The following EFL1 variants were observed in gnomAD, a reference collection of about 807,000 sequenced individuals.
EFL1 encodes the protein elongation factor-like GTPase 1.
In EFL1, 76 loss-of-function variants were observed where a neutral mutation model predicts 126.7. The ratio of observed to expected loss-of-function variants is 0.60; its 90% CI spans 0.50 to 0.73. The LOEUF (loss-of-function observed/expected upper bound fraction) is 0.73, where lower values mean the gene tolerates loss of function less well. Among genes scored for constraint, EFL1 ranks in the 30% least tolerant of loss-of-function variants. EFL1 has a pLI of 0.00. For synonymous variants in EFL1, 410 were observed against 448.4 expected, an observed-to-expected ratio of 0.91 and a Z score of 1.08; for missense variants, 1,128 against 1,343.2, an observed-to-expected ratio of 0.84 and a Z score of 2.50.
chr15:82,188,651 T>A (rs1160343838), intron 15 of EFL1, among the ~76,000 whole-genome samples: 1 of 152,140 alleles, frequency 6.6e-6, no homozygotes, highest in African/African-American at 2.4e-5. Context: ...GATTCTACAT[T>A]CAGATTTTTT....
Position 82,151,935 on chromosome 15 carries a change from C to T in EFL1, c.2519G>A (p.Ser840Asn), listed in dbSNP as rs1255786557. The stretch of plus-strand genomic sequence containing the variant: ...CCATACTGAGTTCTGAAAATCTTCA[C>T]TTTTATTGACTAGTATGTTGGGCCC... ...KCGPNILVNK[S>N]EDFQNSVWTG... The change falls in exon 18 of 20, where the codon AGT becomes AAT. Residue 840 changes from serine to asparagine, a missense_variant. By Grantham distance (46) the Ser-to-Asn change is conservative. Coordinates refer to ENST00000268206, the MANE Select transcript of EFL1 (RefSeq NM_024580.6). 3 of 1,613,992 alleles carry T rather than the reference C, an allele frequency of 1.9e-6. No individual in the cohort carries two copies. Among genetic ancestry groups the T allele is most frequent in the African/African-American group, 1.3e-5 (1 of 74,922 alleles).
At chr15:82,240,094 TG>T (rs1171569704) in intron 6 of EFL1, among the ~76,000 whole-genome samples, 5 of 152,182 alleles carry the variant, frequency 3.3e-5, no homozygotes, top group Non-Finnish European at 7.4e-5. Context: ...AATGAATGCT[TG>T]GGTAAAATTT....
At chr15:82,220,381 G>C (rs902697262) in intron 12 of EFL1, 152 bp from the exon 13 acceptor site, 3 of 851,880 alleles carry the variant, frequency 3.5e-6, no homozygotes, top group Non-Finnish European at 5.3e-6. Flanking sequence ...CAATAAGAGA[G>C]GGCCTATCAG....
chr15:82,132,489 T>C (rs1199609523), intron 19 of EFL1, among the ~76,000 whole-genome samples: 14 of 151,742 alleles, frequency 9.2e-5, no homozygotes, highest in Non-Finnish European at 1.5e-4. Context: ...ACTAGAAATA[T>C]CCTTTCAAAA....
At chr15:82,237,691 A>G (rs992844062) in intron 7 of EFL1, among the ~76,000 whole-genome samples, 1 of 152,094 alleles carries the variant, frequency 6.6e-6, no homozygotes, top group African/African-American at 2.4e-5. Flanking sequence ...TTATGTTCAC[A>G]CAAAAACCTA....
intron 4 of EFL1, 26 bp downstream of exon 4, chr15:82,252,665 T>C: frequency 6.3e-7 from 1 of 1,582,182 alleles, no homozygotes; most frequent in Non-Finnish European, 8.7e-7. Flanking sequence ...CAAAGCTGTG[T>C]TTCGTTAAAA....
In EFL1 at chr15:82,240,422, T is replaced by C. The variant is rs1480191708; in HGVS notation, c.512A>G (p.Glu171Gly). Residue 171 changes from glutamate to glycine, a missense_variant, in exon 6 of 20, where the codon GAA becomes GGA. Around this residue, in one of 6 missense-constraint regions of EFL1, gnomAD observed 316 missense variants for 318.5 expected, o/e 0.99. Coordinates refer to ENST00000268206, the MANE Select transcript of EFL1 (RefSeq NM_024580.6). ...AAATACTAAAAATTAAAATACCTGTTCTAAAATATTCTTGAGGTGAGAATA... is the reference window on the plus strand; with the variant it reads ...AAATACTAAAAATTAAAATACCTGTCCTAAAATATTCTTGAGGTGAGAATA... ...EAYSHLKNILEQINALTGTLF... is the reference protein window; with the variant it reads ...EAYSHLKNILGQINALTGTLF... 3.2e-6 allele frequency: 5 copies of C among 1,587,088 alleles called. No individual in the cohort carries two copies. The African/African-American group carries it at 4.1e-5, about 13-fold the overall frequency.
At chr15:82,232,734 T>C (rs144138884) in intron 7 of EFL1, among the ~76,000 whole-genome samples, 385 of 152,292 alleles carry the variant, frequency 2.5e-3, no homozygotes, top group African/African-American at 8.7e-3. Context: ...CCATTATGCT[T>C]TAAGTTTATC....
At chr15:82,187,992 T>C (rs993790583) in intron 15 of EFL1, among the ~76,000 whole-genome samples, 3 of 152,136 alleles carry the variant, frequency 2.0e-5, no homozygotes, top group Non-Finnish European at 4.4e-5. Flanking sequence ...AGTGCTACCT[T>C]ACTTGGGACA....
chr15:82,185,231 G>C (rs1035393094), intron 15 of EFL1, among the ~76,000 whole-genome samples: 3 of 144,714 alleles, frequency 2.1e-5, no homozygotes, highest in Admixed American at 1.4e-4. Flanking sequence ...CTCAATTCAC[G>C]GAGTGAAAAC....
chr15:82,207,972 C>T (rs1426740284), intron 15 of EFL1, among the ~76,000 whole-genome samples: 4 of 152,138 alleles, frequency 2.6e-5, no homozygotes, highest in African/African-American at 7.2e-5. Context: ...CTGCCTGCCT[C>T]GGCCTCCCAA....
intron 15 of EFL1, among the ~76,000 whole-genome samples, chr15:82,204,114 T>A (rs2141284940): frequency 6.6e-6 from 1 of 152,360 alleles, no homozygotes; most frequent in East Asian, 1.9e-4. Flanking sequence ...AAAGGACATT[T>A]CACCGAGATT....
intron 15 of EFL1, among the ~76,000 whole-genome samples, chr15:82,171,738 A>C (rs1014057556): frequency 6.6e-6 from 1 of 152,184 alleles, no homozygotes; most frequent in Non-Finnish European, 1.5e-5. Context: ...GGGAGGTTGG[A>C]TAAAAAACTA....
intron 7 of EFL1, among the ~76,000 whole-genome samples, chr15:82,231,930 T>G (rs2074826416): frequency 6.6e-6 from 1 of 152,184 alleles, no homozygotes; most frequent in Admixed American, 6.5e-5. Context: ...GATTCAGGCC[T>G]CCTCCTGGCT....
intron 15 of EFL1, among the ~76,000 whole-genome samples, chr15:82,197,643 G>A (rs991265923): frequency 6.6e-6 from 1 of 151,930 alleles, no homozygotes; most frequent in Non-Finnish European, 1.5e-5. Context: ...CAATTTCCAA[G>A]ATGAAGAGAA....
intron 15 of EFL1, among the ~76,000 whole-genome samples, chr15:82,192,619 G>A (rs1200870177): frequency 1.3e-5 from 2 of 151,944 alleles, no homozygotes; most frequent in Non-Finnish European, 2.9e-5. Flanking sequence ...ACATTATTTG[G>A]GTTTCACAAC....
intron 15 of EFL1, among the ~76,000 whole-genome samples, chr15:82,206,815 A>G (rs1431526601): frequency 6.6e-6 from 1 of 152,186 alleles, no homozygotes; most frequent in Non-Finnish European, 1.5e-5. Context: ...TTTAGGGACC[A>G]GAAAATTGCT....
intron 15 of EFL1, among the ~76,000 whole-genome samples, chr15:82,186,089 G>T (rs1418386226): frequency 6.6e-6 from 1 of 151,678 alleles, no homozygotes; most frequent in East Asian, 1.9e-4. Context: ...TGTAAGGGGG[G>T]ACTTGTCATT....
intron 4 of EFL1, among the ~76,000 whole-genome samples, chr15:82,244,622 A>C (rs1223068304): frequency 6.6e-6 from 1 of 152,170 alleles, no homozygotes; most frequent in Non-Finnish European, 1.5e-5. Context: ...GGGGGCTGAA[A>C]AAAAAGTTGG....
Sources: allele counts gnomAD v4.1 joint callset (sites outside exome capture counted in the v4.1 genomes callset), GRCh38; gene constraint gnomAD v4.1.1; regional missense constraint gnomAD v4.1.1; transcripts MANE v1.5; gene names NCBI Gene and HGNC (gene_info 2026-07-23, HGNC 2026-07-21).